The following ANO3 variants were observed in gnomAD, a reference collection of about 807,000 sequenced individuals.
ANO3 encodes the protein anoctamin-3.
A neutral mutation model predicts 144.8 loss-of-function variants in ANO3; 99 were observed. That is an observed-to-expected ratio of 0.68 (90% CI 0.58 to 0.81). The LOEUF is 0.81. Ranked by LOEUF, ANO3 falls within the 30% of genes least tolerant of loss-of-function variation. The pLI, the probability that ANO3 is intolerant of heterozygous loss-of-function variation, is 0.00. For synonymous variants in ANO3, 414 were observed against 392.6 expected (o/e 1.05, Z -0.64); for missense variants, 905 against 1,202.2 (o/e 0.75, Z 3.66).
intron 1 of ANO3, among the ~76,000 whole-genome samples, chr11:26,193,876 A>G (rs1851526251): frequency 6.6e-6 from 1 of 152,130 alleles, no homozygotes; most frequent in African/African-American, 2.4e-5. Flanking sequence ...TACTGTGTAA[A>G]CTTTGCAGCA....
intron 14 of ANO3, among the ~76,000 whole-genome samples, chr11:26,582,898 ATT>A (rs1226707310): frequency 6.6e-6 from 1 of 152,220 alleles, no homozygotes; most frequent in Non-Finnish European, 1.5e-5. Flanking sequence ...ATATCAAATC[ATT>A]GGATGGTAAG....
intron 1 of ANO3, among the ~76,000 whole-genome samples, chr11:26,202,007 A>T (rs760382037): frequency 2.0e-5 from 3 of 151,060 alleles, no homozygotes; most frequent in Non-Finnish European, 4.4e-5. Context: ...TTATTTATTC[A>T]TTTGCAGAAA....
At chr11:26,422,542 A>G (rs1447882697) in intron 1 of ANO3, among the ~76,000 whole-genome samples, 2 of 151,974 alleles carry the variant, frequency 1.3e-5, no homozygotes, top group African/African-American at 2.4e-5. Context: ...ATTAAATGTT[A>G]CTTTAGGAAA....
intron 1 of ANO3, chr11:26,287,690 C>G (rs1853840580): frequency 6.6e-6 from 1 of 152,206 alleles, no homozygotes; most frequent in Non-Finnish European, 1.5e-5. Context: ...AGGATTTAAA[C>G]CCAGGAAGAT....
chr11:26,274,852 T>C (rs1853523202), intron 1 of ANO3, among the ~76,000 whole-genome samples: 1 of 152,092 alleles, frequency 6.6e-6, no homozygotes, highest in Non-Finnish European at 1.5e-5. Flanking sequence ...ACTATCAATT[T>C]ATCTGTATGG....
intron 4 of ANO3, among the ~76,000 whole-genome samples, chr11:26,494,214 A>G (rs1432302166): frequency 6.6e-6 from 1 of 150,820 alleles, no homozygotes; most frequent in Non-Finnish European, 1.5e-5. Flanking sequence ...ATATAAATAT[A>G]TATTCATATA....
At chr11:26,562,828 A>G (rs978615859) in intron 14 of ANO3, among the ~76,000 whole-genome samples, 13 of 151,920 alleles carry the variant, frequency 8.6e-5, no homozygotes, top group African/African-American at 2.9e-4. Context: ...ATGTCCTACC[A>G]TTCATTATCT....
At chr11:26,594,620 G>A (rs1278690825) in intron 14 of ANO3, among the ~76,000 whole-genome samples, 3 of 152,056 alleles carry the variant, frequency 2.0e-5, no homozygotes, top group Non-Finnish European at 4.4e-5. Flanking sequence ...GGCACTCTTG[G>A]GTTCATTGTT....
chr11:26,206,529 G>C (rs1851797441), intron 1 of ANO3, among the ~76,000 whole-genome samples: 1 of 152,024 alleles, frequency 6.6e-6, no homozygotes, highest in South Asian at 2.1e-4. Flanking sequence ...AAGACAAGGT[G>C]GTGTAGGGAG....
intron 1 of ANO3, among the ~76,000 whole-genome samples, chr11:26,381,893 A>G (rs2133951064): frequency 6.6e-6 from 1 of 152,326 alleles, no homozygotes; most frequent in South Asian, 2.1e-4. Context: ...ACATGAAATG[A>G]ATTTATGGCA....
intron 26 of ANO3, among the ~76,000 whole-genome samples, chr11:26,659,658 C>G (rs1853817031): frequency 6.6e-6 from 1 of 152,024 alleles, no homozygotes; most frequent in African/African-American, 2.4e-5. Flanking sequence ...GTATATGCCA[C>G]TGCACTCCAT....
In ANO3 at chr11:26,641,934, G is replaced by A. The variant is rs753762199; in HGVS notation, c.2180G>A (p.Arg727Gln). 15 of 1,613,794 alleles carry A rather than the reference G, an allele frequency of 9.3e-6. No homozygotes were observed. The highest frequency in any genetic ancestry group is 1.6e-4 in the Middle Eastern group (1 of 6,082). ...QNWWSRHKIK[R>Q]GIHDASIPQW... is the part of the protein sequence containing the mutation. Reference sequence around the variant, plus strand: ...TGGTGGTCACGACATAAAATCAAGCGGGGAATACATGATGCTTCCATACCT... The same window carrying A: ...TGGTGGTCACGACATAAAATCAAGCAGGGAATACATGATGCTTCCATACCT... The change falls in exon 22 of 27, where the codon CGG becomes CAG. Residue 727 changes from arginine (R) to glutamine (Q), a missense_variant. By Grantham distance (43) the Arg-to-Gln change is conservative (BLOSUM62 1). This residue lies in a region of ANO3 where 597 missense variants were observed against 865.1 expected (regional missense o/e 0.69). Transcript: ENST00000256737.
At chr11:26,377,584 A>G (rs1856448654) in intron 1 of ANO3, among the ~76,000 whole-genome samples, 1 of 152,120 alleles carries the variant, frequency 6.6e-6, no homozygotes, top group Admixed American at 6.6e-5. Flanking sequence ...AAATTTTAAC[A>G]TGTCTAATTG....
chr11:26,578,917 A>G (rs1851060036), intron 14 of ANO3, among the ~76,000 whole-genome samples: 2 of 152,204 alleles, frequency 1.3e-5, no homozygotes, highest in Non-Finnish European at 1.5e-5. Context: ...TTGTGGAGAT[A>G]CCATAACTGA....
At chr11:26,386,767 G>A (rs1440248333) in intron 1 of ANO3, among the ~76,000 whole-genome samples, 1 of 152,124 alleles carries the variant, frequency 6.6e-6, no homozygotes, top group Non-Finnish European at 1.5e-5. Flanking sequence ...TTACCTACAA[G>A]AGAAAACAAC....
At chr11:26,362,412 A>G (rs1800955024) in intron 1 of ANO3, among the ~76,000 whole-genome samples, 1 of 152,188 alleles carries the variant, frequency 6.6e-6, no homozygotes, top group African/African-American at 2.4e-5. Context: ...ACAGATATAC[A>G]TGACCCTGAA....
At chr11:26,622,328 G>C (rs886225584) in intron 17 of ANO3, among the ~76,000 whole-genome samples, 1 of 152,010 alleles carries the variant, frequency 6.6e-6, no homozygotes, top group African/African-American at 2.4e-5. Flanking sequence ...TTTGAATAGG[G>C]CTGGGCGTGG....
At chr11:26,392,967 T>C (rs1856920185) in intron 1 of ANO3, among the ~76,000 whole-genome samples, 1 of 152,162 alleles carries the variant, frequency 6.6e-6, no homozygotes, top group Admixed American at 6.6e-5. Flanking sequence ...CTTTGTAAAT[T>C]CTATAACTAC....
intron 14 of ANO3, among the ~76,000 whole-genome samples, chr11:26,581,892 G>C (rs2132860101): frequency 6.6e-6 from 1 of 152,224 alleles, no homozygotes; most frequent in Admixed American, 6.5e-5. Flanking sequence ...GGGAAACCAA[G>C]ACAAAGTTCT....
Sources: allele counts gnomAD v4.1 joint callset (sites outside exome capture counted in the v4.1 genomes callset), GRCh38; gene constraint gnomAD v4.1.1; regional missense constraint gnomAD v4.1.1; transcripts MANE v1.5; gene names NCBI Gene and HGNC (gene_info 2026-07-23, HGNC 2026-07-21).